Variants in PCCA observed in about 807,000 individuals in gnomAD.
PCCA encodes the protein propionyl-CoA carboxylase subunit alpha.
PCCA carries 74 observed loss-of-function variants against 101.3 expected under a neutral mutation model. The observed-to-expected ratio is 0.73, with a 90% CI of 0.61 to 0.89. The LOEUF is 0.89. PCCA is among the 40% of genes least tolerant of loss of function. The pLI, the probability that PCCA is intolerant of heterozygous loss-of-function variation, is 0.00. For missense variants in PCCA, 891 were observed against 907.0 expected (o/e 0.98, Z 0.23); for synonymous variants, 294 against 313.6 (o/e 0.94, Z 0.66).
At chr13:100,172,558 A>G (rs2055799878) in intron 6 of PCCA, among the ~76,000 whole-genome samples, 2 of 152,220 alleles carry the variant, frequency 1.3e-5, no homozygotes, top group Admixed American at 6.5e-5. Context: ...TCCTGCCGTC[A>G]TCATCCTTGA....
At chr13:100,303,904 G>A (rs2066261157) in intron 14 of PCCA, among the ~76,000 whole-genome samples, 1 of 152,182 alleles carries the variant, frequency 6.6e-6, no homozygotes. Context: ...CAGGCATTAT[G>A]TGACGTTAAA....
chr13:100,140,700 G>A (rs971868944), intron 4 of PCCA, among the ~76,000 whole-genome samples: 6 of 152,090 alleles, frequency 3.9e-5, no homozygotes, highest in East Asian at 1.9e-4. Context: ...TACTTGATTC[G>A]TGCATTCTTT....
Position 100,474,440 on chromosome 13 carries a change from T to TTCTCTCTCTCTCTCTCTCTC in PCCA, c.1899+25145_1899+25164dup, listed in dbSNP as rs58811683. Reference sequence around the variant, plus strand: ...TCTTATAATTTTATGTATTTACTGTTTCTCTCTCTCTCTCTCTCTCTCTCT... The same window carrying TTCTCTCTCTCTCTCTCTCTC: ...TCTTATAATTTTATGTATTTACTGTTTCTCTCTCTCTCTCTCTCTCTCTCTCTCTCTCTCTCTCTCTCTCT... On this transcript the variant is annotated intron_variant, in intron 21 of 23. Coordinates refer to ENST00000376285, the MANE Select transcript of PCCA (RefSeq NM_000282.4). Among the ~76,000 whole-genome samples, 585 of 144,308 alleles carry TTCTCTCTCTCTCTCTCTCTC rather than the reference T, an allele frequency of 4.1e-3. 9 individuals are homozygous for TTCTCTCTCTCTCTCTCTCTC. Among genetic ancestry groups the TTCTCTCTCTCTCTCTCTCTC allele is most frequent in the African/African-American group, 0.014 (550 of 38,120 alleles). 94.7% of individuals were successfully genotyped at this position (144,308 alleles called of 152,430 possible).
chr13:100,138,969 A>AGAAG (rs1566558459), intron 4 of PCCA, among the ~76,000 whole-genome samples: 1 of 149,858 alleles, frequency 6.7e-6, no homozygotes, highest in Non-Finnish European at 1.5e-5. Flanking sequence ...AAAGAAAGAA[A>AGAAG]ATGTCTTTAT....
intron 19 of PCCA, among the ~76,000 whole-genome samples, chr13:100,400,196 C>G (rs751316112): frequency 2.2e-4 from 33 of 152,226 alleles, no homozygotes; most frequent in Non-Finnish European, 3.4e-4. Context: ...TTTATTAAAC[C>G]ATTCTTTCTG....
At chr13:100,318,275 C>T (rs2067594773) in intron 16 of PCCA, among the ~76,000 whole-genome samples, 1 of 152,154 alleles carries the variant, frequency 6.6e-6, no homozygotes, top group South Asian at 2.1e-4. Context: ...TTTCATTCCT[C>T]TCCATAGGAA....
intron 14 of PCCA, 146 bp downstream of exon 14, chr13:100,303,144 A>AT (rs1297255118): frequency 4.2e-6 from 3 of 709,772 alleles, no homozygotes; most frequent in Admixed American, 4.0e-5. Context: ...TTGAAAACAA[A>AT]TTTTTTTCAG....
intron 12 of PCCA, among the ~76,000 whole-genome samples, chr13:100,274,354 G>C (rs929367141): frequency 2.6e-5 from 4 of 152,144 alleles, no homozygotes; most frequent in African/African-American, 9.7e-5. Flanking sequence ...CATTTTCTAA[G>C]AAAATGCCAC....
At chr13:100,183,812 C>T (rs951508765) in intron 6 of PCCA, among the ~76,000 whole-genome samples, 9 of 152,204 alleles carry the variant, frequency 5.9e-5, no homozygotes, top group South Asian at 2.1e-4. Context: ...TTTGTTTATA[C>T]CATTCAAGCT....
At chr13:100,328,189 C>A (rs1029640990) in intron 16 of PCCA, among the ~76,000 whole-genome samples, 2 of 151,902 alleles carry the variant, frequency 1.3e-5, no homozygotes, top group Non-Finnish European at 2.9e-5. Flanking sequence ...ATGATGAAAC[C>A]CCGTCTCTAG....
Position 100,309,837 on chromosome 13 carries a change from T to C in PCCA, c.1358T>C (p.Ile453Thr). 3 of 1,609,222 alleles carry C rather than the reference T, an allele frequency of 1.9e-6. No homozygotes were observed. The highest frequency in any genetic ancestry group is 2.6e-6 in the Non-Finnish European group (3 of 1,175,644). ...TTTTTGTTTGCTTGTTTTTAGCTAA[T>C]CACATATGGCTCTGATAGAACTGAG... ...IYYDPMISKLITYGSDRTEAL... is the reference protein window; with the variant it reads ...IYYDPMISKLTTYGSDRTEAL... Residue 453 changes from isoleucine to threonine, a missense_variant, in exon 16 of 24, where the codon ATC (isoleucine) becomes ACC (threonine). Ile to Thr is a moderately conservative substitution (Grantham distance 89). Transcript: ENST00000376285.
At chr13:100,228,564 G>A (rs1382676163) in intron 7 of PCCA, among the ~76,000 whole-genome samples, 1 of 152,052 alleles carries the variant, frequency 6.6e-6, no homozygotes, top group African/African-American at 2.4e-5. Flanking sequence ...TTTGTGAAGA[G>A]ATAATGTTGT....
intron 16 of PCCA, among the ~76,000 whole-genome samples, chr13:100,310,960 G>C (rs559991813): frequency 6.6e-6 from 1 of 152,268 alleles, no homozygotes; most frequent in South Asian, 2.1e-4. Flanking sequence ...TTTTGGCCAA[G>C]CACGGTGGCT....
chr13:100,354,083 TAATA>T (rs1018675001), intron 18 of PCCA, among the ~76,000 whole-genome samples: 27 of 117,818 alleles, frequency 2.3e-4, no homozygotes, highest in African/African-American at 7.1e-4. Flanking sequence ...CAAATAATAA[TAATA>T]ATAATAATAA....
chr13:100,431,217 A>G (rs1374627147), intron 20 of PCCA, among the ~76,000 whole-genome samples: 1 of 152,204 alleles, frequency 6.6e-6, no homozygotes, highest in African/African-American at 2.4e-5. Context: ...TTGAAAATAT[A>G]TATTTATTGG....
chr13:100,497,558 TC>T (rs1292269274), intron 21 of PCCA, among the ~76,000 whole-genome samples: 1 of 152,070 alleles, frequency 6.6e-6, no homozygotes, highest in East Asian at 1.9e-4. Flanking sequence ...TTTTCCAGGC[TC>T]CTGTCAAGAA....
At chr13:100,368,737 C>T (rs553494632) in intron 19 of PCCA, among the ~76,000 whole-genome samples, 163 bp downstream of exon 19, 28 of 152,162 alleles carry the variant, frequency 1.8e-4, no homozygotes, top group African/African-American at 6.7e-4. Flanking sequence ...TTTTTGTTCT[C>T]TTATGCTTAT....
intron 7 of PCCA, among the ~76,000 whole-genome samples, chr13:100,216,804 T>C (rs2059547567): frequency 6.6e-6 from 1 of 152,042 alleles, no homozygotes; most frequent in South Asian, 2.1e-4. Flanking sequence ...ATGGAGAAAA[T>C]AGATAAGTAT....
chr13:100,216,569 T>C (rs2059533539), intron 7 of PCCA, among the ~76,000 whole-genome samples: 2 of 152,234 alleles, frequency 1.3e-5, no homozygotes, highest in Non-Finnish European at 2.9e-5. Context: ...ACTAGGTATT[T>C]GTTGAATGAA....
Sources: gnomAD v4.1 joint callset for allele counts (sites outside exome capture counted in the v4.1 genomes callset) on GRCh38, gnomAD v4.1.1 for gene constraint, MANE v1.5 for transcripts, NCBI Gene and HGNC (gene_info 2026-07-23, HGNC 2026-07-21) for gene names.